Variants in CABIN1 observed in about 807,000 individuals in gnomAD.
The protein encoded by CABIN1 is calcineurin-binding protein cabin-1.
CABIN1 carries 133 observed loss-of-function variants against 227.7 expected under a neutral mutation model. The observed-to-expected ratio is 0.58, with a 90% CI of 0.51 to 0.67. The LOEUF is 0.67. CABIN1 is among the 30% of genes least tolerant of loss of function. The pLI, the probability that CABIN1 is intolerant of heterozygous loss-of-function variation, is 0.00. For missense variants in CABIN1, 2,408 were observed against 2,852.5 expected, an observed-to-expected ratio of 0.84 and a Z score of 3.55; for synonymous variants, 1,086 against 1,155.1, an observed-to-expected ratio of 0.94 and a Z score of 1.21.
At chr22:24,056,457 G>A (rs767329078) in intron 10 of CABIN1, 97 bp downstream of exon 10, 1 of 1,191,876 alleles carries the variant, frequency 8.4e-7, no homozygotes, top group Non-Finnish European at 1.2e-6. Context: ...CCTCTTCTCT[G>A]GTCTCCTCCT....
chr22:24,015,234 C>G (rs1273447062), intron 1 of CABIN1, among the ~76,000 whole-genome samples: 9 of 143,146 alleles, frequency 6.3e-5, no homozygotes, highest in African/African-American at 2.4e-4. Context: ...CCACTGCACT[C>G]CAGCCTGGGT....
chr22:24,083,738 G>A (rs1827269405), intron 20 of CABIN1, among the ~76,000 whole-genome samples: 1 of 152,092 alleles, frequency 6.6e-6, no homozygotes, highest in Non-Finnish European at 1.5e-5. Context: ...ATAGCCCTGG[G>A]TGGCAGAGCA....
Position 24,177,931 on chromosome 22 carries a change from A to C in CABIN1, c.6519+114A>C, listed in dbSNP as rs1314946584. 1 of 1,021,748 alleles carries C rather than the reference A, an allele frequency of 9.8e-7. No individual in the cohort carries two copies. Among genetic ancestry groups the C allele is most frequent in the African/African-American group, 1.8e-5 (1 of 56,296 alleles). The allele number at this position is 1,021,748 out of a possible 1,614,324, so 63.3% of individuals were successfully genotyped here. ...GGCCTGGGGTGTGGGTGAGGATGGCATAGGGGCCTGGGGCAGGGGTGAGGG... is the reference window on the plus strand; with the variant it reads ...GGCCTGGGGTGTGGGTGAGGATGGCCTAGGGGCCTGGGGCAGGGGTGAGGG... On this transcript the variant is annotated intron_variant, in intron 36 of 36. Coordinates refer to ENST00000263119, the MANE Select transcript of CABIN1 (RefSeq NM_012295.4). The surrounding 1 kb of genome is among the most constrained non-coding windows in gnomAD (Gnocchi z 4.4).
chr22:24,060,207 A>G (rs2039091021), intron 12 of CABIN1, 66 bp downstream of exon 12: 6 of 1,438,224 alleles, frequency 4.2e-6, no homozygotes, highest in East Asian at 4.7e-5. Context: ...GGGATCTTGC[A>G]TGGGTGTGGG....
chr22:24,104,447 G>C (rs1051341562), intron 26 of CABIN1, among the ~76,000 whole-genome samples: 1 of 152,214 alleles, frequency 6.6e-6, no homozygotes, highest in Admixed American at 6.5e-5. Context: ...GCAGCACCAT[G>C]GTGTCTACAC....
chr22:24,076,217 C>T lies in CABIN1; in HGVS notation c.2681C>T (p.Thr894Ile). ...CCATCCTCCCTCATGCTGCTGAACA[C>T]AGCCCACGAGTATTTGGGCAGAAGG... ...MLPSSLMLLN[T>I]AHEYLGRRSW... The change falls in exon 19 of 37, where the codon ACA (threonine) becomes ATA (isoleucine). Residue 894 changes from threonine to isoleucine, a missense_variant. This residue lies in a region of CABIN1 where 1,045 missense variants were observed against 1,168.4 expected (regional missense o/e 0.89). Transcript: ENST00000263119. The T allele has an allele frequency of 1.9e-6, 3 of 1,614,182 alleles. No individual in the cohort carries two copies. Among genetic ancestry groups the T allele is most frequent in the Non-Finnish European group, 1.7e-6 (2 of 1,180,032 alleles).
In CABIN1 at chr22:24,084,564, T is replaced by C; in HGVS notation, c.2911-15T>C. ...CTGAATGTGTTACTAATCTGCCTTC[T>C]GTCTTTTTTTCAAGGTGGATCTTAT... On this transcript the variant is annotated splice_polypyrimidine_tract_variant and intron_variant, in intron 20 of 36. Coordinates refer to ENST00000263119, the MANE Select transcript of CABIN1 (RefSeq NM_012295.4). 1 of 1,607,204 alleles carries C rather than the reference T, an allele frequency of 6.2e-7. No individual in the cohort carries two copies. The highest frequency in any genetic ancestry group is 8.5e-7 in the Non-Finnish European group (1 of 1,173,656).
chr22:24,170,234 C>A, intron 33 of CABIN1: 1 of 438,874 alleles, frequency 2.3e-6, no homozygotes, highest in Non-Finnish European at 4.6e-6. Context: ...TAGGGGCTAG[C>A]TGCCATCCTC....
rs936309353 is a variant in CABIN1 at position 24,110,496 on chromosome 22, G to C, written c.4118-3070G>C. On this transcript the variant is annotated intron_variant, in intron 26 of 36. Transcript: ENST00000263119. ...TTACCATAACTTTAACCATTTCTGG[G>C]AAACTCCATTTCTTTATGTAGATCC... 4.6e-5 allele frequency among the ~76,000 whole-genome samples: 7 copies of C among 152,252 alleles called. No individual in the cohort carries two copies. The East Asian group carries it at 1.4e-3, about 29-fold the overall frequency.
At chr22:24,176,581 C>T (rs571649560) in intron 35 of CABIN1, among the ~76,000 whole-genome samples, 1 of 152,286 alleles carries the variant, frequency 6.6e-6, no homozygotes, top group Non-Finnish European at 1.5e-5. Context: ...GGGCCCACTG[C>T]AGAACCCAGG....
intron 7 of CABIN1, 132 bp downstream of exon 7, chr22:24,049,352 C>T: frequency 9.0e-7 from 1 of 1,113,214 alleles, no homozygotes. Context: ...TGCCCTGCCG[C>T]AGCCCCTGAT....
chr22:24,116,190 A>G (rs2043075996), intron 27 of CABIN1, among the ~76,000 whole-genome samples: 1 of 151,616 alleles, frequency 6.6e-6, no homozygotes. Flanking sequence ...CAGAGCTTCA[A>G]AAAAAAAAGT....
At chr22:24,013,667 A>G (rs528276114) in intron 1 of CABIN1, among the ~76,000 whole-genome samples, 5 of 152,280 alleles carry the variant, frequency 3.3e-5, no homozygotes, top group Non-Finnish European at 7.4e-5. Flanking sequence ...TACATTACAG[A>G]TGTGATATGA....
intron 16 of CABIN1, among the ~76,000 whole-genome samples, chr22:24,069,077 G>A (rs149220672): frequency 2.8e-4 from 42 of 152,344 alleles, no homozygotes; most frequent in Non-Finnish European, 5.0e-4. Context: ...CTTTTCTCAA[G>A]TGGGGCATTG....
intron 29 of CABIN1, among the ~76,000 whole-genome samples, chr22:24,142,134 A>T (rs2044804458): frequency 6.6e-6 from 1 of 151,958 alleles, no homozygotes; most frequent in Admixed American, 6.5e-5. Flanking sequence ...AGCAGATGTG[A>T]GGTATATGTT....
intron 30 of CABIN1, 59 bp from the exon 31 acceptor site, chr22:24,165,470 CA>C: frequency 7.0e-7 from 1 of 1,438,102 alleles, no homozygotes; most frequent in Non-Finnish European, 9.7e-7. Flanking sequence ...CACCATCCAG[CA>C]GTGCCATGTG....
Position 24,178,489 on chromosome 22 carries a change from GCC to G in CABIN1, c.*295_*296del. On this transcript the variant is annotated 3_prime_UTR_variant, in exon 37 of 37. Transcript: ENST00000263119. Reference sequence around the variant, plus strand: ...TATGAAGTGTTGACTTTGTAAATCTGCCCACACCCAGCTGGCCATATCCACCC... The same window carrying G: ...TATGAAGTGTTGACTTTGTAAATCTGCACACCCAGCTGGCCATATCCACCC... The G allele has an allele frequency of 2.2e-6, 1 of 452,302 alleles. No individual in the cohort carries two copies. The highest frequency in any genetic ancestry group is 2.2e-5 in the South Asian group (1 of 46,170). 28.0% of individuals were successfully genotyped at this position (452,302 alleles called of 1,614,324 possible).
intron 26 of CABIN1, among the ~76,000 whole-genome samples, chr22:24,101,101 C>T (rs1285210965): frequency 2.0e-5 from 3 of 152,168 alleles, no homozygotes; most frequent in South Asian, 2.1e-4. Context: ...CTTTCTGGAT[C>T]CTGGTTTCCT....
chr22:24,085,724 G>A (rs1197508259), intron 22 of CABIN1, among the ~76,000 whole-genome samples: 1 of 152,190 alleles, frequency 6.6e-6, no homozygotes, highest in Non-Finnish European at 1.5e-5. Flanking sequence ...AAAATGTAGT[G>A]ATTGCCTGGA....
Sources: allele counts gnomAD v4.1 joint callset (sites outside exome capture counted in the v4.1 genomes callset), GRCh38; gene constraint gnomAD v4.1.1; regional missense constraint gnomAD v4.1.1; non-coding constraint Gnocchi (gnomAD v3.1); transcripts MANE v1.5; gene names NCBI Gene and HGNC (gene_info 2026-07-23, HGNC 2026-07-21).